Variants in RORB observed in about 807,000 individuals in gnomAD.
The protein encoded by RORB is nuclear receptor ROR-beta.
A neutral mutation model predicts 59.1 loss-of-function variants in RORB; 6 were observed. The observed-to-expected ratio is 0.10, with a 90% CI of 0.06 to 0.20. The LOEUF (loss-of-function observed/expected upper bound fraction) is 0.20, where lower values mean the gene tolerates loss of function less well. Among genes scored for constraint, RORB ranks in the 10% least tolerant of loss-of-function variants. The pLI is 1.00. For synonymous variants in RORB, 215 were observed against 204.5 expected, an observed-to-expected ratio of 1.05 and a Z score of -0.44; for missense variants, 320 against 560.5, an observed-to-expected ratio of 0.57 and a Z score of 4.33.
At chr9:74,642,306 T>G in intron 3 of RORB, 108 bp from the exon 4 acceptor site, 3 of 1,077,704 alleles carry the variant, frequency 2.8e-6, no homozygotes, top group African/African-American at 1.6e-5. Context: ...GCTAGACATT[T>G]GTGCATTTGA....
In RORB at chr9:74,560,747, G is replaced by A. The variant is rs571305190; in HGVS notation, c.7+62764G>A. Among the ~76,000 whole-genome samples, 29 of 151,848 alleles carry A rather than the reference G, an allele frequency of 1.9e-4. No homozygotes were observed. In the South Asian group the frequency reaches 5.0e-3, roughly 26 times the overall value. On this transcript the variant is annotated intron_variant, in intron 1 of 9. Coordinates refer to ENST00000376896, the MANE Select transcript of RORB (RefSeq NM_006914.4). ...CTATTTCAGTATTGATAAATGGTAC[G>A]TGATTATCACAGTTTATTTGTAGTT...
At chr9:74,500,024 C>T (rs541480597) in intron 1 of RORB, among the ~76,000 whole-genome samples, 32 of 152,278 alleles carry the variant, frequency 2.1e-4, no homozygotes, top group African/African-American at 7.5e-4. Flanking sequence ...ACGGCGGTCG[C>T]TTTGAGGACT....
At chr9:74,507,786 A>T (rs1221926782) in intron 1 of RORB, among the ~76,000 whole-genome samples, 2 of 152,036 alleles carry the variant, frequency 1.3e-5, no homozygotes, top group Non-Finnish European at 2.9e-5. Context: ...CTTGTATATA[A>T]ATTGTGCCTG....
At chr9:74,651,659 A>C (rs952865280) in intron 4 of RORB, among the ~76,000 whole-genome samples, 12 of 152,194 alleles carry the variant, frequency 7.9e-5, no homozygotes, top group Non-Finnish European at 1.5e-4. Flanking sequence ...ATCAAACCCC[A>C]AAAAACTGAG....
chr9:74,596,460 T>C (rs751995447), intron 1 of RORB, among the ~76,000 whole-genome samples: 1 of 152,326 alleles, frequency 6.6e-6, no homozygotes, highest in Admixed American at 6.5e-5. Flanking sequence ...TGTCGTGGCC[T>C]CCTTGTGAGA....
rs886106381 is a variant in RORB, at chr9:74,683,480, G to C, written c.1225-1983G>C. 2.0e-5 allele frequency among the ~76,000 whole-genome samples: 3 copies of C among 152,042 alleles called. No individual in the cohort carries two copies. The South Asian group carries it at 6.2e-4, about 31-fold the overall frequency. ...TTAAAACCCTCTCAGAGAACATAAC[G>C]TGAACTATGAGGGCTTACATAATCT... On this transcript the variant is annotated intron_variant, in intron 9 of 9. Transcript: ENST00000376896.
intron 4 of RORB, among the ~76,000 whole-genome samples, chr9:74,654,850 A>C (rs889993595): frequency 2.0e-5 from 3 of 152,290 alleles, no homozygotes; most frequent in Non-Finnish European, 2.9e-5. Flanking sequence ...GGGGGGAAAA[A>C]GTTTTATGTG....
intron 1 of RORB, among the ~76,000 whole-genome samples, chr9:74,570,368 G>A (rs1011477001): frequency 2.6e-5 from 4 of 151,976 alleles, no homozygotes; most frequent in Non-Finnish European, 4.4e-5. Flanking sequence ...AAAGCCTCCA[G>A]CATATTTGCA....
intron 1 of RORB, chr9:74,498,855 C>G (rs1825762067): frequency 1.2e-5 from 2 of 162,158 alleles, no homozygotes; most frequent in South Asian, 3.3e-4. Context: ...CCGGGGCGAG[C>G]TGGGGTCTGC....
intron 4 of RORB, among the ~76,000 whole-genome samples, chr9:74,648,221 A>T (rs995461095): frequency 2.6e-5 from 4 of 152,158 alleles, no homozygotes; most frequent in African/African-American, 4.8e-5. Context: ...GTGAACTTTC[A>T]TTGTCATCTA....
chr9:74,583,847 A>G (rs528019147), intron 1 of RORB, among the ~76,000 whole-genome samples: 1 of 152,352 alleles, frequency 6.6e-6, no homozygotes, highest in African/African-American at 2.4e-5. Flanking sequence ...GTCTACTAGT[A>G]AAAGATGTCT....
intron 1 of RORB, among the ~76,000 whole-genome samples, chr9:74,542,212 A>T (rs908027895): frequency 6.6e-6 from 1 of 152,204 alleles, no homozygotes; most frequent in African/African-American, 2.4e-5. Context: ...GAAAATCTAG[A>T]TTCCTTAAGA....
chr9:74,599,371 C>A (rs1478017490), intron 1 of RORB, among the ~76,000 whole-genome samples: 6 of 151,326 alleles, frequency 4.0e-5, no homozygotes, highest in Middle Eastern at 3.5e-3. Context: ...CCTCTAAGGT[C>A]AAAAATATGG....
chr9:74,609,791 C>A (rs1458548704), intron 1 of RORB, among the ~76,000 whole-genome samples: 2 of 152,276 alleles, frequency 1.3e-5, no homozygotes, highest in Non-Finnish European at 2.9e-5. Context: ...GCCACTGAAA[C>A]TCTAGAACAG....
At chr9:74,611,132 A>T (rs1401596175) in intron 1 of RORB, among the ~76,000 whole-genome samples, 1 of 152,126 alleles carries the variant, frequency 6.6e-6, no homozygotes, top group East Asian at 1.9e-4. Flanking sequence ...TAGTGTGAAA[A>T]GTGCATAATA....
intron 1 of RORB, among the ~76,000 whole-genome samples, chr9:74,499,963 G>A (rs1825784190): frequency 6.6e-6 from 1 of 152,168 alleles, no homozygotes; most frequent in African/African-American, 2.4e-5. Flanking sequence ...GTTGTAGCTT[G>A]ATCTAGCATC....
intron 1 of RORB, among the ~76,000 whole-genome samples, chr9:74,546,901 TG>T (rs1009151515): frequency 6.6e-6 from 1 of 152,156 alleles, no homozygotes; most frequent in African/African-American, 2.4e-5. Context: ...GAGACCAGCC[TG>T]GCCAACATGA....
intron 3 of RORB, among the ~76,000 whole-genome samples, chr9:74,639,778 C>A (rs532172216): frequency 6.6e-6 from 1 of 152,342 alleles, no homozygotes; most frequent in African/African-American, 2.4e-5. Context: ...AAGAGCTCTA[C>A]TTTCCTGGGG....
chr9:74,566,700 G>A (rs1156599212), intron 1 of RORB, among the ~76,000 whole-genome samples: 1 of 152,170 alleles, frequency 6.6e-6, no homozygotes, highest in African/African-American at 2.4e-5. Context: ...GCAAGAGTGA[G>A]GCAAAAGAAT....
Sources: allele counts gnomAD v4.1 joint callset (sites outside exome capture counted in the v4.1 genomes callset), GRCh38; gene constraint gnomAD v4.1.1; transcripts MANE v1.5; gene names NCBI Gene and HGNC (gene_info 2026-07-23, HGNC 2026-07-21).